Variants in SH3KBP1 observed in about 807,000 individuals in gnomAD.
The protein encoded by SH3KBP1 is SH3 domain-containing kinase-binding protein 1.
Under a neutral mutation model 50.1 loss-of-function variants are expected in SH3KBP1, and 8 were observed. That is an observed-to-expected ratio of 0.16 (90% CI 0.09 to 0.29). The LOEUF is 0.29. Ranked by LOEUF, SH3KBP1 falls within the 10% of genes least tolerant of loss-of-function variation. The pLI is 1.00. For synonymous variants in SH3KBP1, 227 were observed against 218.6 expected (o/e 1.04, Z -0.34); for missense variants, 377 against 535.2 (o/e 0.70, Z 2.92).
chrX:19,694,904 G>T, intron 5 of SH3KBP1: 3 of 773,009 alleles, frequency 3.9e-6, no homozygotes, highest in Non-Finnish European at 5.8e-6. Flanking sequence ...CAACATTCAT[G>T]CCCATGACCT....
intron 2 of SH3KBP1, among the ~76,000 whole-genome samples, chrX:19,814,875 T>A (rs1569480304): frequency 8.9e-6 from 1 of 111,789 alleles, no homozygotes; most frequent in Non-Finnish European, 1.9e-5. Flanking sequence ...CTCCCAACTC[T>A]ACTTCTGTCA....
chrX:19,680,788 T>C (rs989765178), intron 6 of SH3KBP1, among the ~76,000 whole-genome samples: 2 of 111,991 alleles, frequency 1.8e-5, no homozygotes, highest in African/African-American at 6.5e-5. Flanking sequence ...GCCAACAACA[T>C]GGGGTGGAGA....
chrX:19,830,952 C>T (rs2067855115), intron 2 of SH3KBP1, among the ~76,000 whole-genome samples: 1 of 112,096 alleles, frequency 8.9e-6, no homozygotes, highest in Non-Finnish European at 1.9e-5. Context: ...TGACAAAGCA[C>T]AGGTATCTTC....
chrX:19,766,628 C>A, intron 2 of SH3KBP1, among the ~76,000 whole-genome samples: 1 of 104,818 alleles, frequency 9.5e-6, no homozygotes, highest in South Asian at 4.4e-4. Flanking sequence ...CTCAGCCTCC[C>A]GAGTAGCTGG....
chrX:19,576,519 A>G (rs1199060204), intron 12 of SH3KBP1, among the ~76,000 whole-genome samples: 1 of 111,500 alleles, frequency 9.0e-6, no homozygotes, highest in East Asian at 2.8e-4. Flanking sequence ...AGCTCACTGT[A>G]GCCTCGAATT....
At chrX:19,575,292 C>G (rs1002722684) in intron 12 of SH3KBP1, among the ~76,000 whole-genome samples, 1 of 112,146 alleles carries the variant, frequency 8.9e-6, no homozygotes, top group Non-Finnish European at 1.9e-5. Flanking sequence ...GCCAAGGTAG[C>G]TGTCCCTCAA....
At chrX:19,541,549 G>A (rs2064899668) in intron 16 of SH3KBP1, among the ~76,000 whole-genome samples, 1 of 112,055 alleles carries the variant, frequency 8.9e-6, no homozygotes, top group Admixed American at 9.4e-5. Context: ...TTTTTCTGTT[G>A]CAAGAGGAAA....
intron 5 of SH3KBP1, among the ~76,000 whole-genome samples, chrX:19,684,821 C>T (rs7885246): frequency 0.013 from 1,469 of 112,168 alleles, 18 homozygotes; most frequent in African/African-American, 0.038. Context: ...CTTTGATCTT[C>T]TGTGGCATGT....
chrX:19,716,256 A>T (rs2063905828), intron 3 of SH3KBP1, among the ~76,000 whole-genome samples: 1 of 111,990 alleles, frequency 8.9e-6, no homozygotes, highest in Non-Finnish European at 1.9e-5. Context: ...TCAGAAGCCA[A>T]TGGCACTCCA....
At chrX:19,713,091 C>T (rs770039873) in intron 3 of SH3KBP1, among the ~76,000 whole-genome samples, 4 of 109,619 alleles carry the variant, frequency 3.6e-5, no homozygotes, top group South Asian at 4.0e-4. Flanking sequence ...GGCATGGTGG[C>T]GCACTCCTGT....
At chrX:19,637,477 C>T (rs979867908) in intron 7 of SH3KBP1, among the ~76,000 whole-genome samples, 2 of 111,777 alleles carry the variant, frequency 1.8e-5, no homozygotes, top group Non-Finnish European at 3.8e-5. Context: ...GCCATGCATT[C>T]GGCTTAAAGT....
intron 2 of SH3KBP1, among the ~76,000 whole-genome samples, chrX:19,769,915 T>A (rs1436859167): frequency 9.0e-6 from 1 of 111,708 alleles, no homozygotes; most frequent in African/African-American, 3.3e-5. Flanking sequence ...TCACAGCTGA[T>A]TCTTGAAAAT....
intron 6 of SH3KBP1, among the ~76,000 whole-genome samples, chrX:19,666,908 T>C (rs1014747517): frequency 1.8e-5 from 2 of 112,395 alleles, no homozygotes; most frequent in Non-Finnish European, 1.9e-5. Flanking sequence ...ATGTACATTG[T>C]AGCATTATTC....
intron 1 of SH3KBP1, among the ~76,000 whole-genome samples, chrX:19,885,237 A>G (rs1169079887): frequency 8.9e-6 from 1 of 112,076 alleles, no homozygotes; most frequent in Non-Finnish European, 1.9e-5. Flanking sequence ...AGATCACTCC[A>G]TTGGAAGACA....
chrX:19,831,539 C>A (rs1429794252), intron 2 of SH3KBP1, among the ~76,000 whole-genome samples: 1 of 108,792 alleles, frequency 9.2e-6, no homozygotes, highest in Non-Finnish European at 1.9e-5. Context: ...CACCTGTAAT[C>A]CCAGCACTTT....
intron 3 of SH3KBP1, 34 bp from the exon 4 acceptor site, chrX:19,707,018 T>G: frequency 9.2e-7 from 1 of 1,088,639 alleles, no homozygotes; most frequent in Non-Finnish European, 1.3e-6. Flanking sequence ...TAGAGACAGC[T>G]CTTCTCCCCA....
intron 2 of SH3KBP1, among the ~76,000 whole-genome samples, chrX:19,795,511 T>C (rs1356699810): frequency 1.8e-5 from 2 of 111,500 alleles, no homozygotes; most frequent in African/African-American, 6.5e-5. Flanking sequence ...CTCCTCCTCC[T>C]CCATGTTCAC....
At chrX:19,551,628 T>C (rs1402927660) in intron 13 of SH3KBP1, among the ~76,000 whole-genome samples, 1 of 104,830 alleles carries the variant, frequency 9.5e-6, no homozygotes, top group African/African-American at 3.6e-5. Context: ...CACTGTAGCC[T>C]CAACCTCCTG....
At chrX:19,693,205 C>G (rs1390408287) in intron 5 of SH3KBP1, among the ~76,000 whole-genome samples, 1 of 111,841 alleles carries the variant, frequency 8.9e-6, no homozygotes, top group Non-Finnish European at 1.9e-5. Flanking sequence ...TGTCCCCTTT[C>G]TGCAGTGTGA....
Sources: allele counts gnomAD v4.1 joint callset (sites outside exome capture counted in the v4.1 genomes callset), GRCh38; gene constraint gnomAD v4.1.1; transcripts MANE v1.5; gene names NCBI Gene and HGNC (gene_info 2026-07-23, HGNC 2026-07-21).